AGRN: variants seen among roughly 807,000 people sequenced by gnomAD.
AGRN encodes the protein agrin.
AGRN carries 106 observed loss-of-function variants against 211.0 expected under a neutral mutation model. That is an observed-to-expected ratio of 0.50 (90% CI 0.43 to 0.59). The LOEUF (loss-of-function observed/expected upper bound fraction) is 0.59. AGRN is among the 20% of genes least tolerant of loss of function. The pLI is 0.00. For missense variants in AGRN, 3,040 were observed against 2,982.6 expected (o/e 1.02, Z -0.45); for synonymous variants, 1,525 against 1,332.5 (o/e 1.14, Z -3.15).
chr1:1,041,655 G>C lies in AGRN; in HGVS notation c.1130G>C (p.Arg377Pro). ...GTCATGGGCCGATCGGGGGCCGCCC[G>C]GGGTCTCCTCCTGCAGAAAGTGCGC... ...DCVMGRSGAA[R>P]GLLLQKVRSG... The change falls in exon 6 of 36, where the codon CGG (arginine) becomes CCG (proline). Residue 377 changes from arginine (R) to proline (P), a missense_variant. By Grantham distance (103) the Arg-to-Pro change is moderately radical. This residue lies in a region of AGRN where 1,498 missense variants were observed against 1,457.8 expected (regional missense o/e 1.03). Transcript: ENST00000379370. 4 of 1,611,050 alleles carry C rather than the reference G, an allele frequency of 2.5e-6. No homozygotes were observed. Among genetic ancestry groups the C allele is most frequent in the Non-Finnish European group, 3.4e-6 (4 of 1,179,104 alleles).
At chr1:1,021,340 C>T (rs745896964) in intron 1 of AGRN, among the ~76,000 whole-genome samples, 23 of 152,236 alleles carry the variant, frequency 1.5e-4, no homozygotes, top group Non-Finnish European at 3.1e-4. Flanking sequence ...CTGCCTGGGT[C>T]ATCTGCCTCC....
chr1:1,049,980 G>T lies in AGRN; in HGVS notation c.4822G>T (p.Glu1608Ter). ...HGAAPCRVLPEGGAQCECPLG... is the reference protein window; with the variant it reads ...HGAAPCRVLP ...GGCGGCGCCCTGCCGTGTGCTGCCC[G>T]AGGGTGGTGCTCAGTGCGAGTGCCC... The change falls in exon 27 of 36, where the codon GAG (glutamate) becomes TAG (stop). Residue 1608 changes from glutamate to a stop codon, truncating the protein, a stop_gained. Coordinates refer to ENST00000379370, the MANE Select transcript of AGRN (RefSeq NM_198576.4). LOFTEE classifies it high-confidence loss of function. 6.2e-7 allele frequency: 1 copy of T among 1,612,088 alleles called. No homozygotes were observed. Among genetic ancestry groups the T allele is most frequent in the Non-Finnish European group, 8.5e-7 (1 of 1,179,794 alleles).
Position 1,049,715 on chromosome 1 carries a change from C to T in AGRN, c.4664C>T (p.Pro1555Leu). ...VGECGDHPCL[P>L]NPCHGGAPCQ... Reference sequence around the variant, plus strand: ...GAGTGCGGGGACCACCCCTGCCTGCCCAACCCCTGCCATGGCGGGGCCCCA... The same window carrying T: ...GAGTGCGGGGACCACCCCTGCCTGCTCAACCCCTGCCATGGCGGGGCCCCA... Residue 1555 changes from proline (P) to leucine (L), a missense_variant, in exon 26 of 36, where the codon CCC becomes CTC. By Grantham distance (98) the Pro-to-Leu change is moderately conservative. Coordinates refer to ENST00000379370, the MANE Select transcript of AGRN (RefSeq NM_198576.4). The T allele has an allele frequency of 6.3e-7, 1 of 1,581,726 alleles. No individual in the cohort carries two copies. Among genetic ancestry groups the T allele is most frequent in the Non-Finnish European group, 8.6e-7 (1 of 1,165,462 alleles).
rs771058255 is a variant in AGRN, at chr1:1,027,474, C to T, written c.463+5012C>T. 1.1e-4 allele frequency among the ~76,000 whole-genome samples: 16 copies of T among 152,302 alleles called. No homozygotes were observed. The East Asian group carries it at 1.7e-3, about 17-fold the overall frequency. On this transcript the variant is annotated intron_variant, in intron 2 of 35. Coordinates refer to ENST00000379370, the MANE Select transcript of AGRN (RefSeq NM_198576.4). The stretch of plus-strand genomic sequence containing the variant: ...TTCCTCTGTCCTCGTGCACGTGTCT[C>T]GCCTCAGCTTGCTGTTGGTTGTCCA...
intron 2 of AGRN, among the ~76,000 whole-genome samples, chr1:1,024,563 C>T (rs1327124700): frequency 1.3e-5 from 2 of 152,076 alleles, no homozygotes; most frequent in African/African-American, 4.8e-5. Flanking sequence ...GAACCCCATC[C>T]TGGAGACAAA....
At chr1:1,034,688 C>T (rs1644758165) in intron 2 of AGRN, 2 of 992,334 alleles carry the variant, frequency 2.0e-6, no homozygotes, top group Non-Finnish European at 1.2e-6. Context: ...CGCGGTGCTG[C>T]TGTTCCTCAA....
Position 1,044,126 on chromosome 1 carries a change from G to A in AGRN, c.2017G>A (p.Gly673Ser), listed in dbSNP as rs1464015361. 1 of 1,613,172 alleles carries A rather than the reference G, an allele frequency of 6.2e-7. No individual in the cohort carries two copies. The highest frequency in any genetic ancestry group is 8.5e-7 in the Non-Finnish European group (1 of 1,179,952). ...CCCCGCAGCCGAGTGCGGTTCCGGAGGCTCTGGCTCTGGGGAGGACGGTGA... is the reference window on the plus strand; with the variant it reads ...CCCCGCAGCCGAGTGCGGTTCCGGAAGCTCTGGCTCTGGGGAGGACGGTGA... ...PCEQAECGSGGSGSGEDGDCE... is the reference protein window; with the variant it reads ...PCEQAECGSGSSGSGEDGDCE... The change falls in exon 11 of 36, where the codon GGC becomes AGC. Residue 673 changes from glycine (G) to serine (S), a missense_variant. By Grantham distance (56) the Gly-to-Ser change is moderately conservative. Transcript: ENST00000379370.
In AGRN at chr1:1,049,899, C is replaced by A. The variant is rs773875599; in HGVS notation, c.4745-4C>A. 1 of 1,611,140 alleles carries A rather than the reference C, an allele frequency of 6.2e-7. No homozygotes were observed. Among genetic ancestry groups the A allele is most frequent in the East Asian group, 2.2e-5 (1 of 44,802 alleles). On this transcript the variant is annotated splice_region_variant and splice_polypyrimidine_tract_variant and intron_variant, in intron 26 of 35. Coordinates refer to ENST00000379370, the MANE Select transcript of AGRN (RefSeq NM_198576.4). Reference sequence around the variant, plus strand: ...CGGTCCCGGTCCCGTCTTCCTCCATCCAGGACCAACCTGTGCCGATGAGAA... The same window carrying A: ...CGGTCCCGGTCCCGTCTTCCTCCATACAGGACCAACCTGTGCCGATGAGAA...
At chr1:1,020,473 C>A in intron 1 of AGRN, 100 bp downstream of exon 1, 1 of 1,191,428 alleles carries the variant, frequency 8.4e-7, no homozygotes, top group Non-Finnish European at 1.1e-6. Context: ...CTCCGCAGCC[C>A]CCGCTCCGGC....
chr1:1,030,888 C>CGT (rs1644655904), intron 2 of AGRN, among the ~76,000 whole-genome samples: 1 of 66,358 alleles, frequency 1.5e-5, no homozygotes, highest in Non-Finnish European at 2.8e-5. Flanking sequence ...GTGAGATCAG[C>CGT]ATGTGTGTGT....
Position 1,054,964 on chromosome 1 carries a change from C to A in AGRN, c.6121C>A (p.Pro2041Thr), listed in dbSNP as rs765541896. The change falls in exon 36 of 36, where the codon CCC becomes ACC. Residue 2041 changes from proline (P) to threonine (T), a missense_variant. Physicochemically the swap from Pro to Thr is conservative, Grantham distance 38. Coordinates refer to ENST00000379370, the MANE Select transcript of AGRN (RefSeq NM_198576.4). ...CGCCGTCACCAAGCCAGAGCTGCGG[C>A]CCTGCCCCACCCCATGAGCTGGCAC... ...EDAVTKPELRPCPTP is the reference protein window; with the variant it reads ...EDAVTKPELRTCPTP 1 of 1,548,760 alleles carries A rather than the reference C, an allele frequency of 6.5e-7. No homozygotes were observed. Among genetic ancestry groups the A allele is most frequent in the South Asian group, 1.2e-5 (1 of 84,050 alleles).
In AGRN at chr1:1,051,649, A is replaced by G; in HGVS notation, c.5563+4A>G. On this transcript the variant is annotated splice_donor_region_variant and intron_variant, in intron 32 of 35. Transcript: ENST00000379370. ...TCAGGACCGCACTGCGAGAAGGGTG[A>G]GCCTGGCACAGGGCAGGGGGCGGAG... is the stretch of plus-strand genomic sequence containing the variant. 1.2e-6 allele frequency: 2 copies of G among 1,612,364 alleles called. No individual in the cohort carries two copies. The highest frequency in any genetic ancestry group is 1.7e-6 in the Non-Finnish European group (2 of 1,179,590).
rs560265131 is a variant in AGRN, at chr1:1,055,090, C to T, written c.*109C>T. On this transcript the variant is annotated 3_prime_UTR_variant, in exon 36 of 36. Coordinates refer to ENST00000379370, the MANE Select transcript of AGRN (RefSeq NM_198576.4). ...GTGTTGGCCGGAGGGACTGCTGGCC[C>T]GGCCTCCCTTCCGTCCAGGCAGCCG... is the stretch of plus-strand genomic sequence containing the variant. 7.3e-5 allele frequency: 108 copies of T among 1,485,846 alleles called. No homozygotes were observed. The South Asian group carries it at 8.5e-4, about 12-fold the overall frequency. 92.0% of individuals were successfully genotyped at this position (1,485,846 alleles called of 1,614,324 possible).
chr1:1,029,270 A>G (rs1351854889), intron 2 of AGRN, among the ~76,000 whole-genome samples: 1 of 151,794 alleles, frequency 6.6e-6, no homozygotes, highest in East Asian at 1.9e-4. Context: ...ACGGGAACAT[A>G]TGGGTGGGAG....
chr1:1,020,849 G>GGT (rs1553170876), intron 1 of AGRN, among the ~76,000 whole-genome samples: 1 of 150,740 alleles, frequency 6.6e-6, no homozygotes, highest in African/African-American at 2.4e-5. Flanking sequence ...CAGTGGTGCG[G>GGT]GGGGGGGGCG....
rs754933101 is a variant in AGRN, at chr1:1,045,726, C to T, written c.2537-7C>T. The T allele has an allele frequency of 1.9e-6, 3 of 1,613,208 alleles. No individual in the cohort carries two copies. Among genetic ancestry groups the T allele is most frequent in the East Asian group, 2.2e-5 (1 of 44,894 alleles). On this transcript the variant is annotated splice_polypyrimidine_tract_variant and splice_region_variant and intron_variant, in intron 14 of 35. Coordinates refer to ENST00000379370, the MANE Select transcript of AGRN (RefSeq NM_198576.4). ...GACATCACGTTCCTCCCCGATTTTCCCCAAAGCCTGCAGCTGTGATCCCCA... is the reference window on the plus strand; with the variant it reads ...GACATCACGTTCCTCCCCGATTTTCTCCAAAGCCTGCAGCTGTGATCCCCA...
chr1:1,051,952 C>A, intron 33 of AGRN, 137 bp downstream of exon 33: 1 of 1,548,308 alleles, frequency 6.5e-7, no homozygotes, highest in Non-Finnish European at 8.7e-7. Flanking sequence ...TCTCACCTCC[C>A]GGTCCTCCCG....
intron 30 of AGRN, 92 bp from the exon 31 acceptor site, chr1:1,051,161 T>C (rs1343031304): frequency 1.6e-5 from 8 of 493,930 alleles, no homozygotes; most frequent in South Asian, 3.1e-5. Context: ...AGATAGGCAA[T>C]GGGCGGGTGG....
Position 1,043,902 on chromosome 1 carries a change from C to A in AGRN, c.1878C>A (p.Pro626=), listed in dbSNP as rs1419058299. The A allele has an allele frequency of 1.2e-6, 2 of 1,609,992 alleles. No homozygotes were observed. The highest frequency in any genetic ancestry group is 8.5e-7 in the Non-Finnish European group (1 of 1,179,470). Reference sequence around the variant, plus strand: ...GTGTGTGTCCCCGGTGTGAGCACCCCCCGCCCGGCCCCGTGTGTGGCAGCG... The same window carrying A: ...GTGTGTGTCCCCGGTGTGAGCACCCACCGCCCGGCCCCGTGTGTGGCAGCG... ...GQCVCPRCEH[P]PPGPVCGSDG... Residue 626 remains proline, a synonymous_variant, in exon 10 of 36, where the codon CCC becomes CCA. Transcript: ENST00000379370.
Sources: allele counts gnomAD v4.1 joint callset (sites outside exome capture counted in the v4.1 genomes callset), GRCh38; gene constraint gnomAD v4.1.1; regional missense constraint gnomAD v4.1.1; transcripts MANE v1.5; gene names NCBI Gene and HGNC (gene_info 2026-07-23, HGNC 2026-07-21).